Variants in ERBB4 observed in about 807,000 individuals in gnomAD.
ERBB4 encodes the protein receptor tyrosine-protein kinase erbB-4.
ERBB4 carries 42 observed loss-of-function variants against 158.0 expected under a neutral mutation model. The ratio of observed to expected loss-of-function variants is 0.27; its 90% confidence interval spans 0.21 to 0.34. ERBB4 has a LOEUF of 0.34. Among genes scored for constraint, ERBB4 ranks in the 10% least tolerant of loss-of-function variants. The probability of loss-of-function intolerance (pLI) is 1.00; values close to 1 mark genes in which losing one functional copy is unlikely to be tolerated. For synonymous variants in ERBB4, 583 were observed against 558.7 expected (o/e 1.04, Z -0.61); for missense variants, 1,333 against 1,624.1 (o/e 0.82, Z 3.08).
intron 1 of ERBB4, among the ~76,000 whole-genome samples, chr2:212,460,021 G>C (rs956048661): frequency 1.8e-4 from 28 of 152,128 alleles, no homozygotes; most frequent in African/African-American, 6.8e-4. Flanking sequence ...TCTTTCTCAT[G>C]CTGTTCTGAT....
intron 9 of ERBB4, 90 bp downstream of exon 9, chr2:211,711,960 T>C: frequency 8.7e-7 from 1 of 1,145,234 alleles, no homozygotes; most frequent in Non-Finnish European, 1.3e-6. Context: ...ACTCTTCAGC[T>C]TCCAGAGGAA....
At chr2:212,063,982 C>T (rs2077862821) in intron 2 of ERBB4, among the ~76,000 whole-genome samples, 1 of 152,018 alleles carries the variant, frequency 6.6e-6, no homozygotes, top group Non-Finnish European at 1.5e-5. Context: ...GTAACTAAGA[C>T]TTGTTGAAGT....
intron 3 of ERBB4, among the ~76,000 whole-genome samples, chr2:211,873,781 T>C (rs2078420125): frequency 6.6e-6 from 1 of 151,074 alleles, no homozygotes; most frequent in African/African-American, 2.4e-5. Flanking sequence ...TACGTATATA[T>C]TTTTTTGTCC....
Position 211,386,110 on chromosome 2 carries a change from T to C in ERBB4, c.3481+743A>G, listed in dbSNP as rs189313203. Among the ~76,000 whole-genome samples the C allele has an allele frequency of 1.1e-4, 17 of 152,326 alleles. No homozygotes were observed. In the East Asian group the frequency reaches 2.9e-3, roughly 26 times the overall value. On this transcript the variant is annotated intron_variant, in intron 27 of 27. Transcript: ENST00000342788. The stretch of plus-strand genomic sequence containing the variant: ...CTAAAGACTGCGAGAGACATGATCA[T>C]CATTTTTTAATAACAATCATCTATC...
chr2:211,834,041 C>T (rs2077283378), intron 3 of ERBB4, among the ~76,000 whole-genome samples: 1 of 151,996 alleles, frequency 6.6e-6, no homozygotes, highest in Non-Finnish European at 1.5e-5. Flanking sequence ...AATTTTATGT[C>T]TATGAAACTG....
intron 2 of ERBB4, among the ~76,000 whole-genome samples, chr2:211,970,129 C>A (rs2081410827): frequency 6.6e-6 from 1 of 152,010 alleles, no homozygotes. Context: ...TTCTTGAATT[C>A]TGCATAATTT....
At chr2:212,324,841 A>C (rs1419419458) in intron 1 of ERBB4, among the ~76,000 whole-genome samples, 1 of 144,588 alleles carries the variant, frequency 6.9e-6, no homozygotes, top group Non-Finnish European at 1.6e-5. Context: ...TTAATAATTT[A>C]GGGAGATATC....
chr2:211,947,048 A>G (rs2080719397), intron 3 of ERBB4, among the ~76,000 whole-genome samples: 1 of 152,170 alleles, frequency 6.6e-6, no homozygotes, highest in East Asian at 1.9e-4. Flanking sequence ...TCATGGAAAT[A>G]GATATAACAG....
intron 3 of ERBB4, among the ~76,000 whole-genome samples, chr2:211,938,408 T>G (rs2080388184): frequency 6.6e-6 from 1 of 152,150 alleles, no homozygotes. Context: ...CCTGCTGGAT[T>G]GGATTTAGTA....
chr2:211,398,799 C>T (rs1202535575), intron 25 of ERBB4, among the ~76,000 whole-genome samples: 1 of 152,190 alleles, frequency 6.6e-6, no homozygotes, highest in African/African-American at 2.4e-5. Flanking sequence ...CCACTGCACT[C>T]CAGCCTGGGC....
At chr2:212,287,082 C>T (rs2086018502) in intron 1 of ERBB4, among the ~76,000 whole-genome samples, 1 of 151,954 alleles carries the variant, frequency 6.6e-6, no homozygotes, top group African/African-American at 2.4e-5. Context: ...CCAAATGGCA[C>T]AACCTCGATC....
intron 8 of ERBB4, among the ~76,000 whole-genome samples, chr2:211,712,865 A>G (rs1402139527): frequency 6.6e-6 from 1 of 152,008 alleles, no homozygotes; most frequent in South Asian, 2.1e-4. Flanking sequence ...GTAAGTGTGG[A>G]GTTTGTCCTT....
At chr2:211,724,508 G>T (rs1439369897) in intron 6 of ERBB4, among the ~76,000 whole-genome samples, 2 of 151,732 alleles carry the variant, frequency 1.3e-5, no homozygotes, top group Non-Finnish European at 2.9e-5. Context: ...ATGAAATTGA[G>T]TTAAATACAA....
At chr2:212,192,833 T>C (rs1409679068) in intron 1 of ERBB4, among the ~76,000 whole-genome samples, 1 of 134,140 alleles carries the variant, frequency 7.5e-6, no homozygotes, top group Non-Finnish European at 1.6e-5. Context: ...CCAGTTACAC[T>C]GAGGACCGAT....
intron 9 of ERBB4, among the ~76,000 whole-genome samples, chr2:211,707,766 G>A (rs2073504438): frequency 6.6e-6 from 1 of 152,030 alleles, no homozygotes; most frequent in Admixed American, 6.6e-5. Flanking sequence ...TCTGGCAATG[G>A]TACTCTTGTA....
chr2:212,427,729 T>C (rs2091944198), intron 1 of ERBB4, among the ~76,000 whole-genome samples: 1 of 152,158 alleles, frequency 6.6e-6, no homozygotes, highest in Non-Finnish European at 1.5e-5. Context: ...TGGAATTTAT[T>C]CAGTATACCT....
intron 2 of ERBB4, among the ~76,000 whole-genome samples, chr2:212,104,177 T>C (rs928029013): frequency 1.3e-5 from 2 of 152,076 alleles, no homozygotes; most frequent in Non-Finnish European, 2.9e-5. Flanking sequence ...TATTGTATCA[T>C]ATAATAATAA....
intron 1 of ERBB4, among the ~76,000 whole-genome samples, chr2:212,373,971 T>TA (rs2090212470): frequency 1.5e-5 from 2 of 133,598 alleles, no homozygotes; most frequent in Non-Finnish European, 3.2e-5. Context: ...TCCATATATA[T>TA]CCATATATAT....
chr2:211,706,517 C>G (rs1243361432), intron 9 of ERBB4, among the ~76,000 whole-genome samples: 1 of 151,452 alleles, frequency 6.6e-6, no homozygotes, highest in African/African-American at 2.4e-5. Context: ...ACCTTGATCT[C>G]TGGAACCACC....
Sources: gnomAD v4.1 joint callset for allele counts (sites outside exome capture counted in the v4.1 genomes callset) on GRCh38, gnomAD v4.1.1 for gene constraint, MANE v1.5 for transcripts, NCBI Gene and HGNC (gene_info 2026-07-23, HGNC 2026-07-21) for gene names.